HIPK2: variants seen among roughly 807,000 people sequenced by gnomAD.
HIPK2 encodes homeodomain interacting protein kinase 2.
Under a neutral mutation model 113.7 loss-of-function variants are expected in HIPK2, and 27 were observed. The observed-to-expected ratio is 0.24, with a 90% CI of 0.17 to 0.33. The LOEUF is 0.33. Ranked by LOEUF, HIPK2 falls within the 10% of genes least tolerant of loss-of-function variation. HIPK2 has a pLI of 1.00. For synonymous variants in HIPK2, 631 were observed against 642.2 expected (o/e 0.98, Z 0.26); for missense variants, 1,257 against 1,588.0 (o/e 0.79, Z 3.54).
At position 139,693,258 on chromosome 7, in the gene HIPK2, G is replaced by T. The variant is rs964414591; in HGVS notation, c.1103+22674C>A. 2.0e-5 allele frequency among the ~76,000 whole-genome samples: 3 copies of T among 152,172 alleles called. No homozygotes were observed. In the South Asian group the frequency reaches 6.2e-4, roughly 32 times the overall value. ...ATGTAAAATTCCTTGCATATAACAG[G>T]CACTTAATAAATGGCAGCTAGAGTT... On this transcript the variant is annotated intron_variant, in intron 2 of 14. Transcript: ENST00000406875.
chr7:139,720,870 C>G (rs991173651), intron 1 of HIPK2, among the ~76,000 whole-genome samples: 1 of 152,132 alleles, frequency 6.6e-6, no homozygotes, highest in Non-Finnish European at 1.5e-5. Context: ...TTCACTGTTT[C>G]AAAAAGATCT....
chr7:139,565,035 AAGT>A lies in HIPK2; in HGVS notation c.*7889_*7891del, dbSNP rs1798052870. ...TTAAGCAACGATGACCGGGGGTATG[AAGT>A]AATCATTATTTTCAGCCCACAGAGA... On this transcript the variant is annotated 3_prime_UTR_variant, in exon 15 of 15. Transcript: ENST00000406875. The A allele has an allele frequency of 6.6e-6, 1 of 152,320 alleles. No homozygotes were observed. The highest frequency in any genetic ancestry group is 1.5e-5 in the Non-Finnish European group (1 of 68,036). The allele number at this position is 152,320 out of a possible 1,614,324, so 9.4% of individuals were successfully genotyped here. A position where few individuals can be genotyped will look rare whatever the true frequency, so the allele number is the denominator to read the frequency against.
chr7:139,775,214 C>T (rs1233724031), intron 1 of HIPK2, among the ~76,000 whole-genome samples: 2 of 152,166 alleles, frequency 1.3e-5, no homozygotes, highest in Non-Finnish European at 2.9e-5. Context: ...AGCATGCACA[C>T]AGGGAGTCCA....
At chr7:139,749,442 AATAG>A (rs1363718763) in intron 1 of HIPK2, among the ~76,000 whole-genome samples, 1 of 152,100 alleles carries the variant, frequency 6.6e-6, no homozygotes, top group Non-Finnish European at 1.5e-5. Flanking sequence ...TTTGACACTT[AATAG>A]ATAAAAGATC....
At chr7:139,589,755 T>C (rs974156823) in intron 12 of HIPK2, among the ~76,000 whole-genome samples, 24 of 152,238 alleles carry the variant, frequency 1.6e-4, no homozygotes, top group African/African-American at 5.8e-4. Flanking sequence ...GACTGAAGAA[T>C]CTGCATGTCA....
chr7:139,771,828 A>G (rs1027080183), intron 1 of HIPK2, among the ~76,000 whole-genome samples: 3 of 152,318 alleles, frequency 2.0e-5, no homozygotes, highest in African/African-American at 7.2e-5. Context: ...AAAAAGCTAA[A>G]GAGACCCAGT....
At chr7:139,760,930 C>G (rs531418864) in intron 1 of HIPK2, among the ~76,000 whole-genome samples, 57 of 152,294 alleles carry the variant, frequency 3.7e-4, no homozygotes, top group Admixed American at 2.9e-3. Flanking sequence ...TATAGAAGTT[C>G]TGTCAAAAGG....
chr7:139,753,417 TA>T (rs1796312263), intron 1 of HIPK2, among the ~76,000 whole-genome samples: 1 of 152,140 alleles, frequency 6.6e-6, no homozygotes, highest in Non-Finnish European at 1.5e-5. Flanking sequence ...AGTGACTCTC[TA>T]AGGATGAACC....
intron 2 of HIPK2, among the ~76,000 whole-genome samples, chr7:139,677,445 CT>C: frequency 1.3e-5 from 2 of 152,158 alleles, no homozygotes; most frequent in Middle Eastern, 6.8e-3. Flanking sequence ...GTTCTGGTGG[CT>C]GGGAAGTTCA....
At chr7:139,577,885 C>T (rs1201907465) in intron 13 of HIPK2, among the ~76,000 whole-genome samples, 7 of 152,032 alleles carry the variant, frequency 4.6e-5, no homozygotes, top group African/African-American at 1.7e-4. Context: ...GAGTCTTGCT[C>T]TGTCTCCCAG....
chr7:139,690,314 G>A (rs1056221087), intron 2 of HIPK2, among the ~76,000 whole-genome samples: 4 of 152,286 alleles, frequency 2.6e-5, no homozygotes, highest in Non-Finnish European at 5.9e-5. Flanking sequence ...GCCAAGAAGA[G>A]TAGGGACATA....
chr7:139,655,172 A>C (rs1004777536), intron 2 of HIPK2, among the ~76,000 whole-genome samples: 1 of 152,256 alleles, frequency 6.6e-6, no homozygotes, highest in African/African-American at 2.4e-5. Flanking sequence ...CTCAGTGCCC[A>C]TAAGGTGCAG....
intron 1 of HIPK2, among the ~76,000 whole-genome samples, chr7:139,721,790 G>A (rs1285241372): frequency 6.6e-6 from 1 of 152,162 alleles, no homozygotes; most frequent in Non-Finnish European, 1.5e-5. Flanking sequence ...CAAGTTTCGA[G>A]CCCATGGGGA....
chr7:139,752,356 C>T (rs1284282062), intron 1 of HIPK2, among the ~76,000 whole-genome samples: 1 of 152,226 alleles, frequency 6.6e-6, no homozygotes, highest in Non-Finnish European at 1.5e-5. Flanking sequence ...ATCTTGTTCA[C>T]AGCAAAATAA....
At chr7:139,583,275 C>T (rs1798727464) in intron 13 of HIPK2, among the ~76,000 whole-genome samples, 2 of 151,912 alleles carry the variant, frequency 1.3e-5, no homozygotes, top group Non-Finnish European at 2.9e-5. Flanking sequence ...CAAGCCTTCG[C>T]GGGACAGGAG....
intron 1 of HIPK2, among the ~76,000 whole-genome samples, chr7:139,760,159 C>T (rs952876664): frequency 6.6e-5 from 10 of 152,084 alleles, no homozygotes; most frequent in Admixed American, 2.0e-4. Context: ...CCCGCCACCA[C>T]GCCCAGCTAA....
rs115505986 is a variant in HIPK2, at chr7:139,749,805, C to T, written c.19+27800G>A. 6.8e-3 allele frequency among the ~76,000 whole-genome samples: 1,031 copies of T among 152,280 alleles called. 7 individuals are homozygous for T. The highest frequency in any genetic ancestry group is 0.023 in the African/African-American group (945 of 41,538). ...CACCCTCCTCTGGTATCCGCCACGC[C>T]GCACAACAGTTCATACTGTCCTGGC... On this transcript the variant is annotated intron_variant, in intron 1 of 14. Coordinates refer to ENST00000406875, the MANE Select transcript of HIPK2 (RefSeq NM_022740.5).
chr7:139,724,226 T>C (rs1318461671), intron 1 of HIPK2, among the ~76,000 whole-genome samples: 1 of 152,186 alleles, frequency 6.6e-6, no homozygotes, highest in Non-Finnish European at 1.5e-5. Context: ...GATGACATGG[T>C]GATCTAATAC....
intron 13 of HIPK2, 183 bp from the exon 14 acceptor site, chr7:139,575,471 CTCTGG>C: frequency 4.7e-6 from 1 of 212,128 alleles, no homozygotes; most frequent in Non-Finnish European, 8.1e-6. Flanking sequence ...TGCAGTGGGG[CTCTGG>C]CTCACTCCCT....
Sources: allele counts gnomAD v4.1 joint callset (sites outside exome capture counted in the v4.1 genomes callset), GRCh38; gene constraint gnomAD v4.1.1; transcripts MANE v1.5; gene names NCBI Gene and HGNC (gene_info 2026-07-23, HGNC 2026-07-21).